ABLIM2: variants seen among roughly 807,000 people sequenced by gnomAD.
ABLIM2 encodes the protein actin-binding LIM protein 2.
Under a neutral mutation model 97.7 loss-of-function variants are expected in ABLIM2, and 53 were observed. The observed-to-expected ratio is 0.54, with a 90% CI of 0.44 to 0.68. ABLIM2 has a LOEUF of 0.68. Among genes scored for constraint, ABLIM2 ranks in the 30% least tolerant of loss-of-function variants. ABLIM2 has a pLI of 0.00. For synonymous variants in ABLIM2, 361 were observed against 345.8 expected (o/e 1.04, Z -0.49); for missense variants, 835 against 867.2 (o/e 0.96, Z 0.47).
At chr4:8,105,179 A>AT (rs1836655802) in intron 2 of ABLIM2, among the ~76,000 whole-genome samples, 1 of 152,214 alleles carries the variant, frequency 6.6e-6, no homozygotes, top group Admixed American at 6.5e-5. Context: ...TGCTTCTGCC[A>AT]GGCAGATTTC....
At chr4:8,099,838 C>A (rs1411189012) in intron 2 of ABLIM2, among the ~76,000 whole-genome samples, 1 of 152,070 alleles carries the variant, frequency 6.6e-6, no homozygotes, top group Non-Finnish European at 1.5e-5. Context: ...GAGTGAGACT[C>A]CATCTCAAAA....
intron 8 of ABLIM2, among the ~76,000 whole-genome samples, chr4:8,049,183 C>A (rs557931103): frequency 6.6e-6 from 1 of 152,338 alleles, no homozygotes; most frequent in African/African-American, 2.4e-5. Flanking sequence ...TGGGCAGGGA[C>A]CCCTCAGGTC....
intron 14 of ABLIM2, among the ~76,000 whole-genome samples, chr4:8,017,301 A>T (rs2385897): frequency 0.37 from 48,425 of 132,540 alleles, 8,533 homozygotes; most frequent in East Asian, 0.54. Flanking sequence ...TATTATTATT[A>T]TTTTTTTTTT....
chr4:8,157,147 A>T (rs895789114), intron 1 of ABLIM2, among the ~76,000 whole-genome samples: 3 of 152,176 alleles, frequency 2.0e-5, no homozygotes, highest in Non-Finnish European at 4.4e-5. Context: ...CCAGGCAGTC[A>T]CCATGGTTCA....
At position 8,091,448 on chromosome 4, in the gene ABLIM2, ATATATAAT is replaced by A. The variant is rs1385236254; in HGVS notation, c.339-3172_339-3165del. ...TATTATATATAATTAATTATGTATT[ATATATAAT>A]TATATAATTATATATAATATATAAT... On this transcript the variant is annotated intron_variant, in intron 3 of 20. Coordinates refer to ENST00000447017, the MANE Select transcript of ABLIM2 (RefSeq NM_001130083.2). Among the ~76,000 whole-genome samples, 11 of 47,162 alleles carry A rather than the reference ATATATAAT, an allele frequency of 2.3e-4. 1 individual carries two copies. Among genetic ancestry groups the A allele is most frequent in the South Asian group, 1.4e-3 (3 of 2,158 alleles). The allele number at this position is 47,162 out of a possible 152,430, so 30.9% of individuals were successfully genotyped here.
chr4:8,011,311 A>C (rs1764799671), intron 14 of ABLIM2, among the ~76,000 whole-genome samples: 1 of 152,274 alleles, frequency 6.6e-6, no homozygotes, highest in Non-Finnish European at 1.5e-5. Flanking sequence ...CAGCTCCTCC[A>C]GATGTGCACA....
chr4:8,077,166 T>C (rs1231389014), intron 6 of ABLIM2, among the ~76,000 whole-genome samples: 1 of 152,144 alleles, frequency 6.6e-6, no homozygotes, highest in South Asian at 2.1e-4. Context: ...ACAGGGAACA[T>C]GCCCACATGA....
rs989914744 is a variant in ABLIM2 at position 8,124,491 on chromosome 4, G to T, written c.11-17854C>A. ...TTTGCCTGCTCTGGGCATTTCATGC[G>T]AACGGAATCCCACACTGCGTGGTCC... On this transcript the variant is annotated intron_variant, in intron 1 of 20. Transcript: ENST00000447017. The surrounding 1 kb of genome is among the most constrained non-coding windows in gnomAD (Gnocchi z 6.1). Among the ~76,000 whole-genome samples, 2 of 152,110 alleles carry T rather than the reference G, an allele frequency of 1.3e-5. No homozygotes were observed. The highest frequency in any genetic ancestry group is 2.9e-5 in the Non-Finnish European group (2 of 68,024).
intron 1 of ABLIM2, among the ~76,000 whole-genome samples, chr4:8,129,040 C>T (rs1424594514): frequency 6.6e-6 from 1 of 152,060 alleles, no homozygotes; most frequent in Non-Finnish European, 1.5e-5. Flanking sequence ...CCAGCTTTCC[C>T]CCAACTGGGC....
rs545752662 is a variant in ABLIM2, at chr4:8,069,005, C to T, written c.676-7951G>A. Among the ~76,000 whole-genome samples the T allele has an allele frequency of 6.6e-6, 1 of 152,388 alleles. No individual in the cohort carries two copies. The highest frequency in any genetic ancestry group is 2.4e-5 in the African/African-American group (1 of 41,596). On this transcript the variant is annotated intron_variant, in intron 6 of 20. Coordinates refer to ENST00000447017, the MANE Select transcript of ABLIM2 (RefSeq NM_001130083.2). This position sits in a 1 kb window ranked among gnomAD's most constrained non-coding sequence, Gnocchi z 4.2. Reference sequence around the variant, plus strand: ...CTGCATCCCAGAAAGAAGGGCCCCACTCTGAGCAGTGCCCAGCAAGGCCCC... The same window carrying T: ...CTGCATCCCAGAAAGAAGGGCCCCATTCTGAGCAGTGCCCAGCAAGGCCCC...
At chr4:8,152,287 C>T (rs944780406) in intron 1 of ABLIM2, among the ~76,000 whole-genome samples, 29 of 152,336 alleles carry the variant, frequency 1.9e-4, no homozygotes, top group South Asian at 6.2e-4. Context: ...GCGGCTGAGT[C>T]GGGCACACTG....
At chr4:7,979,169 T>C (rs942233575) in intron 20 of ABLIM2, among the ~76,000 whole-genome samples, 2 of 152,360 alleles carry the variant, frequency 1.3e-5, no homozygotes, top group Admixed American at 1.3e-4. Context: ...TTTCCTCTTC[T>C]GTGGGGTTAA....
In ABLIM2 at chr4:8,076,736, T is replaced by TG. The variant is rs566153565; in HGVS notation, c.675+891dup. On this transcript the variant is annotated intron_variant, in intron 6 of 20. Coordinates refer to ENST00000447017, the MANE Select transcript of ABLIM2 (RefSeq NM_001130083.2). ...CTGAGGCAAGGAGGGGCTGCAGGGT[T>TG]GGGGGGGGTCTGTGAATCCAGAGGG... Among the ~76,000 whole-genome samples the TG allele has an allele frequency of 6.6e-3, 302 of 46,006 alleles. 9 individuals are homozygous for TG. Among genetic ancestry groups the TG allele is most frequent in the Middle Eastern group, 0.011 (1 of 90 alleles). 30.2% of individuals were successfully genotyped at this position (46,006 alleles called of 152,430 possible).
chr4:8,047,038 C>T (rs927247763), intron 8 of ABLIM2, among the ~76,000 whole-genome samples: 7 of 152,192 alleles, frequency 4.6e-5, no homozygotes, highest in African/African-American at 7.2e-5. Flanking sequence ...GGCTGGGCAT[C>T]GTGCAGCGGC....
intron 1 of ABLIM2, among the ~76,000 whole-genome samples, chr4:8,109,845 C>T (rs559524206): frequency 1.5e-4 from 23 of 152,250 alleles, no homozygotes; most frequent in Non-Finnish European, 3.2e-4. Context: ...AGTGAGGGTC[C>T]CTGTGGGCTC....
At position 8,115,161 on chromosome 4, in the gene ABLIM2, C is replaced by A. The variant is rs1244264568; in HGVS notation, c.11-8524G>T. On this transcript the variant is annotated intron_variant, in intron 1 of 20. Coordinates refer to ENST00000447017, the MANE Select transcript of ABLIM2 (RefSeq NM_001130083.2). ...AGATGAAACTGATTATGGGAAAATA[C>A]CTCAGGCTCCTGACCTCCACATGCC... Among the ~76,000 whole-genome samples, 4 of 152,198 alleles carry A rather than the reference C, an allele frequency of 2.6e-5. No homozygotes were observed. The East Asian group carries it at 7.7e-4, about 29-fold the overall frequency.
At chr4:8,119,799 C>A (rs1273558833) in intron 1 of ABLIM2, among the ~76,000 whole-genome samples, 1 of 152,188 alleles carries the variant, frequency 6.6e-6, no homozygotes, top group Non-Finnish European at 1.5e-5. Flanking sequence ...TGCTTGGACC[C>A]TTTGTGAAGT....
intron 2 of ABLIM2, among the ~76,000 whole-genome samples, chr4:8,103,345 G>A (rs776885271): frequency 2.0e-5 from 3 of 152,272 alleles, no homozygotes; most frequent in African/African-American, 2.4e-5. Flanking sequence ...TTAAACAAGT[G>A]CAGCTCATTT....
chr4:8,120,832 C>T lies in ABLIM2; in HGVS notation c.11-14195G>A, dbSNP rs982790532. Among the ~76,000 whole-genome samples, 1 of 152,200 alleles carries T rather than the reference C, an allele frequency of 6.6e-6. No homozygotes were observed. The highest frequency in any genetic ancestry group is 2.4e-5 in the African/African-American group (1 of 41,446). On this transcript the variant is annotated intron_variant, in intron 1 of 20. Coordinates refer to ENST00000447017, the MANE Select transcript of ABLIM2 (RefSeq NM_001130083.2). This position sits in a 1 kb window ranked among gnomAD's most constrained non-coding sequence, Gnocchi z 5.6. ...ACCGGAAACATGCTCAGAACACCTA[C>T]GCCAGCCTACAGCTGGGCACACACA...
Sources: gnomAD v4.1 joint callset for allele counts (sites outside exome capture counted in the v4.1 genomes callset) on GRCh38, gnomAD v4.1.1 for gene constraint, Gnocchi (gnomAD v3.1) non-coding constraint, MANE v1.5 for transcripts, NCBI Gene and HGNC (gene_info 2026-07-23, HGNC 2026-07-21) for gene names.